The following CPEB3 variants were observed in gnomAD, a reference collection of about 807,000 sequenced individuals.
The protein encoded by CPEB3 is cytoplasmic polyadenylation element binding protein 3.
A neutral mutation model predicts 67.2 loss-of-function variants in CPEB3; 20 were observed. The ratio of observed to expected loss-of-function variants is 0.30; its 90% CI spans 0.21 to 0.43. The LOEUF is 0.43. CPEB3 is among the 20% of genes least tolerant of loss of function. The probability of loss-of-function intolerance (pLI) is 1.00; values close to 1 mark genes in which losing one functional copy is unlikely to be tolerated. For synonymous variants in CPEB3, 376 were observed against 393.1 expected, an observed-to-expected ratio of 0.96 and a Z score of 0.51; for missense variants, 746 against 968.6, an observed-to-expected ratio of 0.77 and a Z score of 3.05.
chr10:92,141,767 CCAG>C (rs1264481896), intron 6 of CPEB3, among the ~76,000 whole-genome samples: 7 of 150,680 alleles, frequency 4.6e-5, no homozygotes, highest in Non-Finnish European at 7.4e-5. Context: ...GCCTGTAATC[CCAG>C]CACTTTGGGA....
chr10:92,182,292 A>G (rs990866168), intron 3 of CPEB3, among the ~76,000 whole-genome samples: 1 of 152,240 alleles, frequency 6.6e-6, no homozygotes, highest in African/African-American at 2.4e-5. Flanking sequence ...ACATAATTGC[A>G]AAAGAGTCAG....
chr10:92,221,327 T>C (rs539103108), intron 2 of CPEB3, among the ~76,000 whole-genome samples: 1 of 152,052 alleles, frequency 6.6e-6, no homozygotes, highest in African/African-American at 2.4e-5. Flanking sequence ...ACCCCATCTG[T>C]ACTAAAAATA....
chr10:92,147,594 A>G (rs1201984772), intron 4 of CPEB3, among the ~76,000 whole-genome samples: 1 of 152,256 alleles, frequency 6.6e-6, no homozygotes, highest in African/African-American at 2.4e-5. Flanking sequence ...CTTCCTTGCC[A>G]AAGGAATCAC....
intron 9 of CPEB3, among the ~76,000 whole-genome samples, chr10:92,077,377 T>A (rs833364): frequency 0.022 from 3,309 of 152,040 alleles, 40 homozygotes; most frequent in Non-Finnish European, 0.031. Flanking sequence ...GTAACAGTTC[T>A]GGGGAAGGGA....
chr10:92,159,786 T>G (rs888582101), intron 4 of CPEB3, among the ~76,000 whole-genome samples: 1 of 152,230 alleles, frequency 6.6e-6, no homozygotes, highest in African/African-American at 2.4e-5. Flanking sequence ...TCTCATTTTC[T>G]ACTACTTTCC....
chr10:92,059,838 T>A (rs1016813929), intron 9 of CPEB3, among the ~76,000 whole-genome samples: 2 of 151,034 alleles, frequency 1.3e-5, no homozygotes, highest in Non-Finnish European at 1.5e-5. Flanking sequence ...GCGCCTGTAC[T>A]CCCAGCTACT....
At chr10:92,084,452 C>T (rs1590099982) in intron 8 of CPEB3, among the ~76,000 whole-genome samples, 1 of 152,104 alleles carries the variant, frequency 6.6e-6, no homozygotes, top group Admixed American at 6.5e-5. Flanking sequence ...TTAGGTCTCA[C>T]TTAAGTGAAG....
chr10:92,215,198 G>C (rs1322033948), intron 2 of CPEB3, among the ~76,000 whole-genome samples: 6 of 151,104 alleles, frequency 4.0e-5, no homozygotes, highest in African/African-American at 1.5e-4. Context: ...TGTTGCCCGG[G>C]CTAGAGTGCA....
At chr10:92,166,899 C>T (rs1250163482) in intron 4 of CPEB3, among the ~76,000 whole-genome samples, 1 of 152,210 alleles carries the variant, frequency 6.6e-6, no homozygotes, top group African/African-American at 2.4e-5. Context: ...TGAAAATCTG[C>T]TGTTTAGGGT....
At chr10:92,215,892 G>C (rs1323788173) in intron 2 of CPEB3, among the ~76,000 whole-genome samples, 2 of 150,758 alleles carry the variant, frequency 1.3e-5, no homozygotes, top group Non-Finnish European at 3.0e-5. Flanking sequence ...TGGAACTACA[G>C]GTGCGTGCCA....
intron 9 of CPEB3, among the ~76,000 whole-genome samples, chr10:92,071,312 G>T (rs1159203560): frequency 6.6e-6 from 1 of 152,208 alleles, no homozygotes; most frequent in African/African-American, 2.4e-5. Flanking sequence ...AGCTGAGCTA[G>T]ACAATGGTTG....
intron 1 of CPEB3, among the ~76,000 whole-genome samples, chr10:92,284,692 A>T (rs1042423992): frequency 6.6e-6 from 1 of 152,032 alleles, no homozygotes; most frequent in Non-Finnish European, 1.5e-5. Context: ...AATCTCTCAC[A>T]ACACTATGTA....
intron 4 of CPEB3, among the ~76,000 whole-genome samples, chr10:92,154,532 T>C (rs1362054197): frequency 2.0e-5 from 3 of 152,160 alleles, no homozygotes; most frequent in Admixed American, 6.5e-5. Flanking sequence ...CATTACTTTA[T>C]CATAAAACCC....
At chr10:92,252,575 A>G (rs183492810) in intron 1 of CPEB3, among the ~76,000 whole-genome samples, 346 of 152,326 alleles carry the variant, frequency 2.3e-3, no homozygotes, top group Non-Finnish European at 3.6e-3. Context: ...TGAGGGACTC[A>G]TATAATGGAA....
At position 92,260,467 on chromosome 10, in the gene CPEB3, C is replaced by A. The variant is rs1479041502; in HGVS notation, c.-11-20106G>T. On this transcript the variant is annotated intron_variant, in intron 1 of 9. Coordinates refer to ENST00000265997, the MANE Select transcript of CPEB3 (RefSeq NM_014912.5). ...TCGGGAGGCTGAGACAGGAGAATCA[C>A]TTGAACCCAGGAAGCAGAGGTTTCA... 2.7e-5 allele frequency among the ~76,000 whole-genome samples: 4 copies of A among 150,666 alleles called. No individual in the cohort carries two copies. The East Asian group carries it at 5.9e-4, about 22-fold the overall frequency.
In CPEB3 at chr10:92,048,250, C is replaced by T. The variant is rs1038540833; in HGVS notation, c.*3962G>A. 1 of 152,198 alleles carries T rather than the reference C, an allele frequency of 6.6e-6. No individual in the cohort carries two copies. The highest frequency in any genetic ancestry group is 2.4e-5 in the African/African-American group (1 of 41,390). 9.4% of individuals were successfully genotyped at this position (152,198 alleles called of 1,614,324 possible). A position where few individuals can be genotyped will look rare whatever the true frequency, so the allele number is the denominator to read the frequency against. On this transcript the variant is annotated 3_prime_UTR_variant, in exon 10 of 10. Transcript: ENST00000265997. This position sits in a 1 kb window ranked among gnomAD's most constrained non-coding sequence, Gnocchi z 4.1. ...CTGCAGTACACCACGAAAGCCGTGT[C>T]CTCTTAGCAACTTCCTGTATGACTC...
At chr10:92,084,322 C>T (rs1843283284) in intron 8 of CPEB3, among the ~76,000 whole-genome samples, 2 of 152,080 alleles carry the variant, frequency 1.3e-5, no homozygotes, top group African/African-American at 2.4e-5. Flanking sequence ...TGATAGGAAA[C>T]AGAAACCCTC....
intron 6 of CPEB3, among the ~76,000 whole-genome samples, chr10:92,116,265 A>T (rs12256368): frequency 0.47 from 68,402 of 145,708 alleles, 16,545 homozygotes; most frequent in Admixed American, 0.56. Flanking sequence ...AAAAAAAAAA[A>T]AATAATAATA....
At chr10:92,288,269 G>C (rs1293972475) in intron 1 of CPEB3, among the ~76,000 whole-genome samples, 1 of 151,984 alleles carries the variant, frequency 6.6e-6, no homozygotes, top group African/African-American at 2.4e-5. Context: ...AAACCAGCCT[G>C]GGCAACATGG....
Sources: allele counts gnomAD v4.1 joint callset (sites outside exome capture counted in the v4.1 genomes callset), GRCh38; gene constraint gnomAD v4.1.1; non-coding constraint Gnocchi (gnomAD v3.1); transcripts MANE v1.5; gene names NCBI Gene and HGNC (gene_info 2026-07-23, HGNC 2026-07-21).